TAC4: variants seen among roughly 807,000 people sequenced by gnomAD.
TAC4 encodes the protein tachykinin precursor 4.
A neutral mutation model predicts 17.7 loss-of-function variants in TAC4; 17 were observed. That is an observed-to-expected ratio of 0.96 (90% CI 0.66 to 1.44). The LOEUF is 1.44. Ranked by LOEUF, TAC4 falls within the 40% of genes most tolerant of loss-of-function variation. The pLI, the probability that TAC4 is intolerant of heterozygous loss-of-function variation, is 0.00. For synonymous variants in TAC4, 62 were observed against 52.4 expected (o/e 1.18, Z -0.79); for missense variants, 118 against 125.6 (o/e 0.94, Z 0.29).
chr17:49,846,831 C>T, intron 1 of TAC4: 1 of 698,120 alleles, frequency 1.4e-6, no homozygotes, highest in Admixed American at 3.6e-5. Flanking sequence ...AGCAAGGCTT[C>T]TGTCTCTAGA....
At chr17:49,840,907 T>TTTTTTG in intron 3 of TAC4, among the ~76,000 whole-genome samples, 1 of 142,294 alleles carries the variant, frequency 7.0e-6, no homozygotes, top group African/African-American at 2.6e-5. Flanking sequence ...TTTTTTTTTT[T>TTTTTTG]TTTTTGAGAC....
Position 49,838,334 on chromosome 17 carries a change from G to A in TAC4, c.*308C>T, listed in dbSNP as rs1265236509. 4.3e-6 allele frequency: 2 copies of A among 466,512 alleles called. No individual in the cohort carries two copies. The highest frequency in any genetic ancestry group is 4.1e-5 in the African/African-American group (2 of 48,942). 28.9% of individuals were successfully genotyped at this position (466,512 alleles called of 1,614,324 possible). On this transcript the variant is annotated 3_prime_UTR_variant, in exon 5 of 5. Coordinates refer to ENST00000436235, the MANE Select transcript of TAC4 (RefSeq NM_001077506.2). ...CACTCATTTATTGAGTGCCTACTGT[G>A]TGCTAGGCACAGGATACAGAGTGTG...
At chr17:49,846,048 CTT>C in intron 1 of TAC4, 1 of 345,864 alleles carries the variant, frequency 2.9e-6, no homozygotes. Context: ...AGAATGGCCA[CTT>C]ATGAATTCAA....
intron 4 of TAC4, 136 bp downstream of exon 4, chr17:49,839,714 C>G (rs1409032959): frequency 3.9e-6 from 3 of 763,790 alleles, no homozygotes; most frequent in Non-Finnish European, 6.2e-6. Context: ...TCGACTGCCT[C>G]CCCTGGGGGC....
intron 1 of TAC4, chr17:49,847,200 G>GC (rs1389340541): frequency 6.2e-6 from 8 of 1,290,040 alleles, no homozygotes; most frequent in East Asian, 5.5e-5. Flanking sequence ...TGTCCTGTCT[G>GC]CCCCCCTGGA....
rs1226201304 is a variant in TAC4 at position 49,838,473 on chromosome 17, CTG to C, written c.*167_*168del. The stretch of plus-strand genomic sequence containing the variant: ...ATTTATGCAGGACTGCTGCTTGACA[CTG>C]AGAGTCCAGGAAGAAGCCCAGTGGG... On this transcript the variant is annotated 3_prime_UTR_variant, in exon 5 of 5. Transcript: ENST00000436235. 2 of 773,882 alleles carry C rather than the reference CTG, an allele frequency of 2.6e-6. No individual in the cohort carries two copies. The highest frequency in any genetic ancestry group is 3.5e-5 in the African/African-American group (2 of 57,484). The allele number at this position is 773,882 out of a possible 1,614,324, so 47.9% of individuals were successfully genotyped here. A position where few individuals can be genotyped will look rare whatever the true frequency, so the allele number is the denominator to read the frequency against.
At position 49,847,836 on chromosome 17, in the gene TAC4, T is replaced by G. The variant is rs760800074; in HGVS notation, c.105+77A>C. 3.1e-6 allele frequency: 5 copies of G among 1,609,524 alleles called. No individual in the cohort carries two copies. The South Asian group carries it at 5.5e-5, about 18-fold the overall frequency. On this transcript the variant is annotated intron_variant, in intron 1 of 4. Transcript: ENST00000436235. The stretch of plus-strand genomic sequence containing the variant: ...TCTCCCAGCAGCCATGCAGGGGATC[T>G]TCTGCCTCTGCACTGCCGATTATCC...
At chr17:49,841,406 C>A in intron 3 of TAC4, 146 bp downstream of exon 3, 1 of 759,162 alleles carries the variant, frequency 1.3e-6, no homozygotes, top group Non-Finnish European at 1.9e-6. Flanking sequence ...ATGGCCAAAC[C>A]ACACTGGCCC....
chr17:49,844,458 C>T (rs1304113147), intron 1 of TAC4, among the ~76,000 whole-genome samples: 4 of 151,898 alleles, frequency 2.6e-5, no homozygotes, highest in African/African-American at 4.8e-5. Context: ...CACCGAGACA[C>T]AGGTTAAAGA....
At chr17:49,840,319 G>A (rs561625560) in intron 3 of TAC4, among the ~76,000 whole-genome samples, 6 of 152,224 alleles carry the variant, frequency 3.9e-5, no homozygotes, top group South Asian at 2.1e-4. Flanking sequence ...GAACAGGGTC[G>A]CACTAGGCCA....
intron 2 of TAC4, among the ~76,000 whole-genome samples, chr17:49,843,245 T>C (rs1468807007): frequency 6.6e-6 from 1 of 152,218 alleles, no homozygotes; most frequent in African/African-American, 2.4e-5. Context: ...AATGTAATAT[T>C]GACAATAAGA....
chr17:49,841,304 G>A (rs1033614394), intron 3 of TAC4, among the ~76,000 whole-genome samples: 1 of 140,136 alleles, frequency 7.1e-6, no homozygotes, highest in Non-Finnish European at 1.5e-5. Context: ...ATTTTGAAAC[G>A]CTGGTCGAAC....
chr17:49,847,213 C>A lies in TAC4; in HGVS notation c.105+700G>T, dbSNP rs201896080. 2,556 of 1,290,200 alleles carry A rather than the reference C, an allele frequency of 2.0e-3. 4 individuals are homozygous for A. The highest frequency in any genetic ancestry group is 2.4e-3 in the Non-Finnish European group (2,415 of 988,828). 79.9% of individuals were successfully genotyped at this position (1,290,200 alleles called of 1,614,324 possible). A position where few individuals can be genotyped will look rare whatever the true frequency, so the allele number is the denominator to read the frequency against. On this transcript the variant is annotated intron_variant, in intron 1 of 4. Coordinates refer to ENST00000436235, the MANE Select transcript of TAC4 (RefSeq NM_001077506.2). ...CTTGTCCTGTCTGCCCCCCTGGAAGCCTTCCCTGAGCACTGGCCTCTTATT... is the reference window on the plus strand; with the variant it reads ...CTTGTCCTGTCTGCCCCCCTGGAAGACTTCCCTGAGCACTGGCCTCTTATT...
chr17:49,847,302 C>A (rs977005481), intron 1 of TAC4: 1 of 1,254,452 alleles, frequency 8.0e-7, no homozygotes, highest in African/African-American at 1.5e-5. Context: ...CGCCTGAGGT[C>A]AGGATCTTTG....
At chr17:49,842,553 G>C (rs544467959) in intron 2 of TAC4, among the ~76,000 whole-genome samples, 4 of 151,806 alleles carry the variant, frequency 2.6e-5, no homozygotes, top group Non-Finnish European at 4.4e-5. Context: ...AGTTTGAAAT[G>C]GCTCAGTTCA....
At chr17:49,846,081 C>G (rs150038047) in intron 1 of TAC4, 6,450 of 525,892 alleles carry the variant, frequency 0.012, 50 homozygotes, top group Non-Finnish European at 0.016. Flanking sequence ...CTTTCTCCCC[C>G]ACTGGGTTTC....
chr17:49,844,260 G>T (rs775974053), intron 1 of TAC4, 103 bp from the exon 2 acceptor site: 8 of 1,046,390 alleles, frequency 7.6e-6, no homozygotes, highest in Middle Eastern at 2.3e-4. Flanking sequence ...GTGGTCAGCA[G>T]AGACTTGCTG....
chr17:49,840,887 CTTTTTTTT>C (rs778120935), intron 3 of TAC4, among the ~76,000 whole-genome samples: 1 of 79,556 alleles, frequency 1.3e-5, no homozygotes, highest in East Asian at 3.8e-4. Flanking sequence ...TAGATTTGTA[CTTTTTTTT>C]TTTTTTTTTT....
At chr17:49,843,740 C>G (rs553986538) in intron 2 of TAC4, among the ~76,000 whole-genome samples, 1 of 152,238 alleles carries the variant, frequency 6.6e-6, no homozygotes, top group South Asian at 2.1e-4. Flanking sequence ...ATTACAGGCA[C>G]GTGCCACCAT....
Sources: allele counts gnomAD v4.1 joint callset (sites outside exome capture counted in the v4.1 genomes callset), GRCh38; gene constraint gnomAD v4.1.1; transcripts MANE v1.5; gene names NCBI Gene and HGNC (gene_info 2026-07-23, HGNC 2026-07-21).